Variants in NSUN7 observed in about 807,000 individuals in gnomAD.
NSUN7 encodes protein NSUN7.
In NSUN7, 39 loss-of-function variants were observed where a neutral mutation model predicts 58.5. That is an observed-to-expected ratio of 0.67 (90% confidence interval 0.52 to 0.87). NSUN7 has a LOEUF of 0.87. Among genes scored for constraint, NSUN7 ranks in the 40% least tolerant of loss-of-function variants. The pLI, the probability that NSUN7 is intolerant of heterozygous loss-of-function variation, is 0.00. For synonymous variants in NSUN7, 278 were observed against 303.7 expected (o/e 0.92, Z 0.88); for missense variants, 765 against 844.1 (o/e 0.91, Z 1.16).
intron 10 of NSUN7, among the ~76,000 whole-genome samples, chr4:40,799,242 C>CGG (rs199861521): frequency 0.018 from 2,724 of 151,872 alleles, 82 homozygotes; most frequent in African/African-American, 0.063. Context: ...AGTGCCACCA[C>CGG]GCCAGGCTAA....
intron 4 of NSUN7, among the ~76,000 whole-genome samples, chr4:40,764,376 A>C (rs1008414514): frequency 6.6e-6 from 1 of 151,662 alleles, no homozygotes; most frequent in Non-Finnish European, 1.5e-5. Context: ...GATGATTTCC[A>C]ATTTCATCCA....
Position 40,798,850 on chromosome 4 carries a change from T to C in NSUN7, c.1346T>C (p.Val449Ala), listed in dbSNP as rs752293816. 3.7e-6 allele frequency: 6 copies of C among 1,612,754 alleles called. No homozygotes were observed. Among genetic ancestry groups the C allele is most frequent in the African/African-American group, 2.7e-5 (2 of 74,858 alleles). Residue 449 changes from valine to alanine, a missense_variant, in exon 10 of 12, where the codon GTT becomes GCT. Transcript: ENST00000381782. Reference protein sequence around the residue: ...CSVFPEENEAVVKKALEFQDL... With the variant: ...CSVFPEENEAAVKKALEFQDL... ...GTTTTTCCAGAAGAAAATGAAGCTG[T>C]TGTTAAGAAAGCACTGGAATTTCAA...
At chr4:40,800,108 CTT>C (rs1197591265) in intron 10 of NSUN7, among the ~76,000 whole-genome samples, 13 of 152,310 alleles carry the variant, frequency 8.5e-5, no homozygotes, top group Non-Finnish European at 1.5e-4. Flanking sequence ...GACATTCACT[CTT>C]ATAAACCTGT....
intron 2 of NSUN7, 35 bp from the exon 3 acceptor site, chr4:40,760,399 T>G: frequency 6.5e-7 from 1 of 1,546,970 alleles, no homozygotes; most frequent in African/African-American, 1.4e-5. Flanking sequence ...TTCCGCTTTG[T>G]ATTTTCAGTA....
At chr4:40,768,747 T>C (rs556189848) in intron 4 of NSUN7, among the ~76,000 whole-genome samples, 2 of 152,208 alleles carry the variant, frequency 1.3e-5, no homozygotes, top group Non-Finnish European at 2.9e-5. Context: ...AACCCATTCT[T>C]TGTATAAAAT....
intron 4 of NSUN7, among the ~76,000 whole-genome samples, chr4:40,762,319 T>A (rs7687805): frequency 1.3e-5 from 2 of 152,346 alleles, no homozygotes; most frequent in South Asian, 4.1e-4. Flanking sequence ...GAAAGTACAA[T>A]GTAGCAACAA....
intron 4 of NSUN7, among the ~76,000 whole-genome samples, chr4:40,768,808 A>G (rs574315828): frequency 6.6e-6 from 1 of 152,188 alleles, no homozygotes; most frequent in Non-Finnish European, 1.5e-5. Context: ...GAGAGACCAC[A>G]ACCCCTTGTT....
intron 9 of NSUN7, among the ~76,000 whole-genome samples, chr4:40,796,607 G>A (rs1415082069): frequency 1.3e-5 from 2 of 152,014 alleles, no homozygotes; most frequent in Admixed American, 1.3e-4. Flanking sequence ...TCCAGCCTAG[G>A]CAACAGAGCA....
intron 7 of NSUN7, among the ~76,000 whole-genome samples, chr4:40,780,780 CACACACAT>C (rs1439708874): frequency 0.021 from 1,527 of 71,826 alleles, 28 homozygotes; most frequent in Non-Finnish European, 0.03. Context: ...CACACACACA[CACACACAT>C]ACACATATAT....
At chr4:40,774,731 T>C in intron 5 of NSUN7, 36 bp from the exon 6 acceptor site, 1 of 1,287,960 alleles carries the variant, frequency 7.8e-7, no homozygotes. Flanking sequence ...TAATGTATTA[T>C]ATTTGTAATT....
Position 40,778,673 on chromosome 4 carries a change from C to T in NSUN7, c.1036+2414C>T, listed in dbSNP as rs534648546. ...AAAATTCTTTTGTTTATAAGCTACT[C>T]ATTCTATGGCATTTGTTGTAGCAGC... On this transcript the variant is annotated intron_variant, in intron 7 of 11. Coordinates refer to ENST00000381782, the MANE Select transcript of NSUN7 (RefSeq NM_024677.6). Among the ~76,000 whole-genome samples the T allele has an allele frequency of 2.6e-5, 4 of 152,314 alleles. No individual in the cohort carries two copies. The South Asian group carries it at 8.3e-4, about 32-fold the overall frequency.
chr4:40,777,167 A>C (rs1742309740), intron 7 of NSUN7, among the ~76,000 whole-genome samples: 1 of 152,154 alleles, frequency 6.6e-6, no homozygotes, highest in African/African-American at 2.4e-5. Context: ...CCAAAGAATT[A>C]GAACCCCCAT....
At chr4:40,780,794 T>TACAC (rs1159120226) in intron 7 of NSUN7, among the ~76,000 whole-genome samples, 6 of 88,804 alleles carry the variant, frequency 6.8e-5, no homozygotes, top group African/African-American at 2.7e-4. Context: ...CACATACACA[T>TACAC]ATATATATAT....
intron 4 of NSUN7, among the ~76,000 whole-genome samples, chr4:40,761,703 CAAAGT>C (rs1384295089): frequency 2.0e-5 from 3 of 151,832 alleles, no homozygotes; most frequent in Non-Finnish European, 4.4e-5. Context: ...ACTATTTTCC[CAAAGT>C]AAAGAAAAAA....
chr4:40,807,835 A>G (rs928351400), intron 11 of NSUN7, among the ~76,000 whole-genome samples: 18 of 151,636 alleles, frequency 1.2e-4, no homozygotes, highest in Middle Eastern at 3.4e-3. Flanking sequence ...TGAGGTCAGG[A>G]GTTCGAGACC....
intron 4 of NSUN7, among the ~76,000 whole-genome samples, chr4:40,765,130 G>A (rs1176195785): frequency 7.4e-6 from 1 of 135,158 alleles, no homozygotes; most frequent in African/African-American, 2.8e-5. Context: ...ATTGCTTTTG[G>A]TGTTTTAGAC....
intron 8 of NSUN7, 69 bp from the exon 9 acceptor site, chr4:40,794,306 A>T: frequency 1.4e-6 from 1 of 732,108 alleles, no homozygotes; most frequent in Non-Finnish European, 2.2e-6. Context: ...GAAAAATTAT[A>T]TGATGATAAC....
At chr4:40,796,227 G>A (rs1486136604) in intron 9 of NSUN7, among the ~76,000 whole-genome samples, 1 of 152,168 alleles carries the variant, frequency 6.6e-6, no homozygotes, top group Non-Finnish European at 1.5e-5. Context: ...GTTGGCGCAT[G>A]CCTGTAGTCC....
rs1740732968 is a variant in NSUN7 at position 40,750,161 on chromosome 4, T to C, written c.-231T>C. The C allele has an allele frequency of 6.6e-6, 1 of 152,628 alleles. No individual in the cohort carries two copies. The highest frequency in any genetic ancestry group is 2.4e-5 in the African/African-American group (1 of 41,430). The allele number at this position is 152,628 out of a possible 1,614,324, so 9.5% of individuals were successfully genotyped here. A position where few individuals can be genotyped will look rare whatever the true frequency, so the allele number is the denominator to read the frequency against. Reference sequence around the variant, plus strand: ...ACCCCCCTGCCCCGAATCCTGCCGGTGGGAGTGGCTGCATTTGAACCAAAC... The same window carrying C: ...ACCCCCCTGCCCCGAATCCTGCCGGCGGGAGTGGCTGCATTTGAACCAAAC... On this transcript the variant is annotated 5_prime_UTR_variant, in exon 1 of 12. Coordinates refer to ENST00000381782, the MANE Select transcript of NSUN7 (RefSeq NM_024677.6).
Sources: gnomAD v4.1 joint callset for allele counts (sites outside exome capture counted in the v4.1 genomes callset) on GRCh38, gnomAD v4.1.1 for gene constraint, MANE v1.5 for transcripts, NCBI Gene and HGNC (gene_info 2026-07-23, HGNC 2026-07-21) for gene names.